OPA1: variants seen among roughly 807,000 people sequenced by gnomAD.
The protein encoded by OPA1 is dynamin-like GTPase OPA1, mitochondrial.
Under a neutral mutation model 152.9 loss-of-function variants are expected in OPA1, and 59 were observed. That is an observed-to-expected ratio of 0.39 (90% CI 0.31 to 0.48). The LOEUF (loss-of-function observed/expected upper bound fraction) is 0.48, where lower values mean the gene tolerates loss of function less well. OPA1 is among the 20% of genes least tolerant of loss of function. The probability of loss-of-function intolerance (pLI) is 0.96; values close to 1 mark genes in which losing one functional copy is unlikely to be tolerated. For synonymous variants in OPA1, 400 were observed against 389.9 expected (o/e 1.03, Z -0.31); for missense variants, 1,008 against 1,216.8 (o/e 0.83, Z 2.55).
chr3:193,670,648 G>A (rs1037952486), intron 29 of OPA1, among the ~76,000 whole-genome samples: 4 of 152,126 alleles, frequency 2.6e-5, no homozygotes, highest in African/African-American at 9.7e-5. Context: ...TTATAGGCAT[G>A]AGCCACCATG....
intron 28 of OPA1, among the ~76,000 whole-genome samples, chr3:193,666,844 A>G (rs1009975555): frequency 4.6e-5 from 7 of 152,198 alleles, no homozygotes; most frequent in African/African-American, 1.7e-4. Flanking sequence ...TCATAATTGG[A>G]AAAGATGGGT....
rs555333441 is a variant in OPA1, at chr3:193,603,214, G to A, written c.32+9805G>A. On this transcript the variant is annotated intron_variant, in intron 1 of 30. Coordinates refer to ENST00000361510, the MANE Select transcript of OPA1 (RefSeq NM_130837.3). ...TTCAAAGATTCAGGAAGGACCAGGC[G>A]GCCGTCCGGGCCCTTTGTGAGTCTT... is the stretch of plus-strand genomic sequence containing the variant. Among the ~76,000 whole-genome samples, 6 of 152,310 alleles carry A rather than the reference G, an allele frequency of 3.9e-5. No individual in the cohort carries two copies. The East Asian group carries it at 7.7e-4, about 20-fold the overall frequency.
intron 9 of OPA1, 66 bp downstream of exon 9, chr3:193,635,588 C>T (rs1732807685): frequency 1.1e-6 from 1 of 917,750 alleles, no homozygotes; most frequent in African/African-American, 1.6e-5. Flanking sequence ...TCATCAGTAC[C>T]AGTTTCTAAG....
chr3:193,626,027 C>T, intron 6 of OPA1, 65 bp from the exon 7 acceptor site: 12 of 1,193,698 alleles, frequency 1.0e-5, no homozygotes, highest in East Asian at 2.3e-5. Flanking sequence ...TCCTTTGTTG[C>T]ACCCTTGGTT....
intron 29 of OPA1, among the ~76,000 whole-genome samples, chr3:193,672,982 A>G (rs1718265333): frequency 6.6e-6 from 1 of 152,214 alleles, no homozygotes; most frequent in Non-Finnish European, 1.5e-5. Flanking sequence ...ATGTAAAATA[A>G]CATTTGAATA....
chr3:193,667,969 A>G (rs1464798534), intron 29 of OPA1, among the ~76,000 whole-genome samples: 1 of 152,172 alleles, frequency 6.6e-6, no homozygotes, highest in African/African-American at 2.4e-5. Context: ...CCTAGAAATT[A>G]TATATGCTGT....
chr3:193,596,306 TTTTCCTTTCCTTTCC>T (rs59723526), intron 1 of OPA1, among the ~76,000 whole-genome samples: 23 of 105,414 alleles, frequency 2.2e-4, no homozygotes, highest in Admixed American at 1.6e-3. Flanking sequence ...TTTTCTTTTC[TTTTCCTTTCCTTTCC>T]TTTCCTTTCC....
chr3:193,676,033 G>A (rs560574956), intron 29 of OPA1, among the ~76,000 whole-genome samples: 7 of 152,234 alleles, frequency 4.6e-5, no homozygotes, highest in Admixed American at 1.3e-4. Context: ...TCCTAATATC[G>A]TGCAGTCTGG....
At chr3:193,673,931 T>C (rs1011440958) in intron 29 of OPA1, among the ~76,000 whole-genome samples, 6 of 152,234 alleles carry the variant, frequency 3.9e-5, no homozygotes, top group South Asian at 2.1e-4. Context: ...TTTTCCAATA[T>C]CCTCAGCTTT....
chr3:193,617,288 A>G lies in OPA1; in HGVS notation c.556+3A>G, dbSNP rs1210408290. The G allele has an allele frequency of 3.2e-6, 5 of 1,552,694 alleles. No individual in the cohort carries two copies. Among genetic ancestry groups the G allele is most frequent in the Middle Eastern group, 1.7e-4 (1 of 5,990 alleles). On this transcript the variant is annotated splice_donor_region_variant and intron_variant, in intron 4 of 30. Transcript: ENST00000361510. ...ATTGAAGGACTTTTTTACCTCAGGTAAGGAAGAAGCTGTTTGATCTAATTT... is the reference window on the plus strand; with the variant it reads ...ATTGAAGGACTTTTTTACCTCAGGTGAGGAAGAAGCTGTTTGATCTAATTT...
At chr3:193,685,907 T>C (rs1023119925) in intron 29 of OPA1, among the ~76,000 whole-genome samples, 12 of 152,350 alleles carry the variant, frequency 7.9e-5, no homozygotes, top group Admixed American at 3.9e-4. Context: ...CTGTGACTTA[T>C]CCAGTTATGA....
At chr3:193,600,877 T>G (rs1473369017) in intron 1 of OPA1, among the ~76,000 whole-genome samples, 4 of 152,206 alleles carry the variant, frequency 2.6e-5, no homozygotes, top group Admixed American at 6.5e-5. Context: ...GAGATTTCTT[T>G]ATTGTACTTG....
At chr3:193,684,978 T>A (rs1239550439) in intron 29 of OPA1, among the ~76,000 whole-genome samples, 1 of 152,118 alleles carries the variant, frequency 6.6e-6, no homozygotes, top group Non-Finnish European at 1.5e-5. Context: ...GTAGAAATGC[T>A]TGTGTTATAA....
chr3:193,623,142 C>T (rs1231944436), intron 6 of OPA1, among the ~76,000 whole-genome samples: 2 of 152,142 alleles, frequency 1.3e-5, no homozygotes, highest in East Asian at 3.8e-4. Flanking sequence ...TAGATGATGC[C>T]TTCTCCCTAT....
intron 11 of OPA1, among the ~76,000 whole-genome samples, chr3:193,639,555 A>C (rs1045047379): frequency 1.3e-5 from 2 of 152,206 alleles, no homozygotes; most frequent in African/African-American, 4.8e-5. Flanking sequence ...CTGTGTGGTC[A>C]GGTCGGGGTG....
chr3:193,694,795 G>T lies in OPA1; in HGVS notation c.*195G>T, dbSNP rs920512673. Reference sequence around the variant, plus strand: ...CTCGAATGGAAGAACAGTGGTAATGGATTAACATCCTATTTTGTTGTACTA... The same window carrying T: ...CTCGAATGGAAGAACAGTGGTAATGTATTAACATCCTATTTTGTTGTACTA... On this transcript the variant is annotated 3_prime_UTR_variant, in exon 31 of 31. Transcript: ENST00000361510. 1 of 152,190 alleles carries T rather than the reference G, an allele frequency of 6.6e-6. No homozygotes were observed. Among genetic ancestry groups the T allele is most frequent in the Non-Finnish European group, 1.5e-5 (1 of 68,024 alleles). 9.4% of individuals were successfully genotyped at this position (152,190 alleles called of 1,614,324 possible).
chr3:193,604,497 CCT>C (rs1472335803), intron 1 of OPA1, among the ~76,000 whole-genome samples: 1 of 152,120 alleles, frequency 6.6e-6, no homozygotes, highest in Non-Finnish European at 1.5e-5. Flanking sequence ...TAGGTTTTAT[CCT>C]CTCAGGTAAG....
At chr3:193,638,742 T>C (rs1733311975) in intron 11 of OPA1, among the ~76,000 whole-genome samples, 1 of 152,230 alleles carries the variant, frequency 6.6e-6, no homozygotes, top group African/African-American at 2.4e-5. Context: ...TTTCTAGGAT[T>C]TGACATTTTC....
intron 29 of OPA1, among the ~76,000 whole-genome samples, chr3:193,690,124 G>A (rs1721463280): frequency 6.6e-6 from 1 of 151,504 alleles, no homozygotes; most frequent in Admixed American, 6.6e-5. Flanking sequence ...TTGTTTGTCT[G>A]CTGTTTAAAA....
Sources: allele counts gnomAD v4.1 joint callset (sites outside exome capture counted in the v4.1 genomes callset), GRCh38; gene constraint gnomAD v4.1.1; transcripts MANE v1.5; gene names NCBI Gene and HGNC (gene_info 2026-07-23, HGNC 2026-07-21).